KLHL29: variants seen among roughly 807,000 people sequenced by gnomAD.
The protein encoded by KLHL29 is kelch like family member 29.
Under a neutral mutation model 80.4 loss-of-function variants are expected in KLHL29, and 21 were observed. The ratio of observed to expected loss-of-function variants is 0.26; its 90% CI spans 0.19 to 0.38. The LOEUF is 0.38. KLHL29 is among the 10% of genes least tolerant of loss of function. The probability of loss-of-function intolerance (pLI) is 1.00; values close to 1 mark genes in which losing one functional copy is unlikely to be tolerated. For missense variants in KLHL29, 867 were observed against 1,223.9 expected (o/e 0.71, Z 4.35); for synonymous variants, 511 against 526.8 (o/e 0.97, Z 0.41).
intron 2 of KLHL29, among the ~76,000 whole-genome samples, chr2:23,518,357 A>C (rs1045564543): frequency 1.3e-5 from 2 of 152,210 alleles, no homozygotes; most frequent in Non-Finnish European, 2.9e-5. Flanking sequence ...GAGAGAACCC[A>C]GTGGTCCTCT....
chr2:23,623,371 A>G (rs1010799952), intron 3 of KLHL29, among the ~76,000 whole-genome samples: 3 of 152,158 alleles, frequency 2.0e-5, no homozygotes, highest in African/African-American at 7.2e-5. Context: ...TCTGGGGAAC[A>G]ATATGTTTGC....
At chr2:23,689,844 C>A (rs1671471552) in intron 6 of KLHL29, 1 of 152,278 alleles carries the variant, frequency 6.6e-6, no homozygotes, top group Non-Finnish European at 1.5e-5. Flanking sequence ...TATTTTTACG[C>A]TTAACAAAGC....
At chr2:23,616,893 C>T (rs1363772620) in intron 3 of KLHL29, 1 of 152,244 alleles carries the variant, frequency 6.6e-6, no homozygotes, top group Non-Finnish European at 1.5e-5. Flanking sequence ...TGACTTCCAG[C>T]ACAAAGGGGC....
chr2:23,597,521 T>C (rs1380353125), intron 3 of KLHL29, among the ~76,000 whole-genome samples: 3 of 146,426 alleles, frequency 2.0e-5, no homozygotes, highest in African/African-American at 7.6e-5. Context: ...CCTCCCAGGT[T>C]CAAGTGATTC....
chr2:23,477,236 A>C (rs1328563342), intron 2 of KLHL29, among the ~76,000 whole-genome samples: 1 of 152,232 alleles, frequency 6.6e-6, no homozygotes, highest in Non-Finnish European at 1.5e-5. Flanking sequence ...GCCTTGGACC[A>C]AACTCCAGCT....
intron 1 of KLHL29, among the ~76,000 whole-genome samples, chr2:23,475,086 G>A (rs951578859): frequency 2.6e-5 from 4 of 151,788 alleles, no homozygotes; most frequent in East Asian, 1.9e-4. Context: ...TGTGAAAAAA[G>A]TAATGATTTG....
intron 2 of KLHL29, among the ~76,000 whole-genome samples, chr2:23,513,945 G>A (rs751116782): frequency 5.3e-5 from 8 of 152,188 alleles, no homozygotes; most frequent in South Asian, 2.1e-4. Context: ...GCTGGCTGCC[G>A]GCAACTCTGC....
chr2:23,409,601 G>A (rs1666814063), intron 1 of KLHL29, among the ~76,000 whole-genome samples: 1 of 152,256 alleles, frequency 6.6e-6, no homozygotes, highest in South Asian at 2.1e-4. Flanking sequence ...TATGAAGCCA[G>A]ACTGTAAGGC....
intron 2 of KLHL29, among the ~76,000 whole-genome samples, chr2:23,539,181 C>T (rs1221131116): frequency 6.9e-6 from 1 of 144,574 alleles, no homozygotes; most frequent in Non-Finnish European, 1.5e-5. Flanking sequence ...ATCCCTGAGT[C>T]CTGGGGATCG....
chr2:23,406,960 T>C (rs1666752691), intron 1 of KLHL29, among the ~76,000 whole-genome samples: 1 of 152,246 alleles, frequency 6.6e-6, no homozygotes, highest in South Asian at 2.1e-4. Context: ...TAGAATCTAT[T>C]ATTTGTCACT....
At chr2:23,478,398 A>C (rs1664694704) in intron 2 of KLHL29, among the ~76,000 whole-genome samples, 2 of 152,252 alleles carry the variant, frequency 1.3e-5, no homozygotes, top group East Asian at 1.9e-4. Flanking sequence ...AGCAGCTATC[A>C]GTTTACTGTG....
intron 2 of KLHL29, among the ~76,000 whole-genome samples, chr2:23,552,761 C>CTTTTTTTTTTTTTT (rs60558023): frequency 0.033 from 3,176 of 95,030 alleles, 577 homozygotes; most frequent in Admixed American, 0.08. Flanking sequence ...GGTTTCTTTT[C>CTTTTTTTTTTTTTT]TTTTTTTTTT....
At chr2:23,686,477 G>C (rs1458268690) in intron 6 of KLHL29, among the ~76,000 whole-genome samples, 1 of 152,142 alleles carries the variant, frequency 6.6e-6, no homozygotes, top group Non-Finnish European at 1.5e-5. Context: ...TGGTTCAAGT[G>C]ATGCCCAGGT....
At chr2:23,636,816 C>T (rs952023070) in intron 3 of KLHL29, among the ~76,000 whole-genome samples, 1 of 152,136 alleles carries the variant, frequency 6.6e-6, no homozygotes, top group Non-Finnish European at 1.5e-5. Flanking sequence ...TTAGGGTGAC[C>T]GTTGGAACTC....
intron 2 of KLHL29, among the ~76,000 whole-genome samples, chr2:23,477,541 A>G (rs1259209268): frequency 6.6e-6 from 1 of 152,234 alleles, no homozygotes; most frequent in Non-Finnish European, 1.5e-5. Flanking sequence ...TCAGCCTCCC[A>G]GCAGCCCAGT....
chr2:23,514,254 C>CG (rs1665859524), intron 2 of KLHL29, among the ~76,000 whole-genome samples: 1 of 152,176 alleles, frequency 6.6e-6, no homozygotes, highest in Non-Finnish European at 1.5e-5. Context: ...ATCTGAGGAG[C>CG]TGGGCATCAG....
At chr2:23,701,793 CTTTTT>C (rs70941586) in intron 11 of KLHL29, among the ~76,000 whole-genome samples, 71 of 22,522 alleles carry the variant, frequency 3.2e-3, no homozygotes, top group African/African-American at 7.9e-3. Context: ...CTTTTTTTTG[CTTTTT>C]TTTTTTTTTT....
At chr2:23,571,556 A>G (rs1336407153) in intron 3 of KLHL29, among the ~76,000 whole-genome samples, 1 of 152,200 alleles carries the variant, frequency 6.6e-6, no homozygotes, top group East Asian at 1.9e-4. Flanking sequence ...AGTTTAGGAA[A>G]GGGTCATGTG....
At chr2:23,547,079 C>T (rs1364804832) in intron 2 of KLHL29, among the ~76,000 whole-genome samples, 6 of 152,204 alleles carry the variant, frequency 3.9e-5, no homozygotes, top group Non-Finnish European at 8.8e-5. Flanking sequence ...AGAGAACCCA[C>T]CACAGTGCCA....
Sources: gnomAD v4.1 joint callset for allele counts (sites outside exome capture counted in the v4.1 genomes callset) on GRCh38, gnomAD v4.1.1 for gene constraint, MANE v1.5 for transcripts, NCBI Gene and HGNC (gene_info 2026-07-23, HGNC 2026-07-21) for gene names.